The following TBC1D8 variants were observed in gnomAD, a reference collection of about 807,000 sequenced individuals.
The protein encoded by TBC1D8 is TBC1 domain family member 8, also known as BUB2-like protein 1.
TBC1D8 carries 65 observed loss-of-function variants against 118.8 expected under a neutral mutation model. The observed-to-expected ratio is 0.55, with a 90% CI of 0.45 to 0.67. The LOEUF (loss-of-function observed/expected upper bound fraction) is 0.67. Ranked by LOEUF, TBC1D8 falls within the 30% of genes least tolerant of loss-of-function variation. TBC1D8 has a pLI of 0.00. For missense variants in TBC1D8, 1,376 were observed against 1,471.2 expected (o/e 0.94, Z 1.06); for synonymous variants, 566 against 595.8 (o/e 0.95, Z 0.73).
intron 1 of TBC1D8, among the ~76,000 whole-genome samples, chr2:101,090,761 T>C (rs1308185840): frequency 6.6e-6 from 1 of 152,260 alleles, no homozygotes; most frequent in African/African-American, 2.4e-5. Context: ...TTAACTTGTC[T>C]GTGCCCTGGA....
At chr2:101,010,045 C>T (rs1046812596) in intron 19 of TBC1D8, among the ~76,000 whole-genome samples, 2 of 151,834 alleles carry the variant, frequency 1.3e-5, no homozygotes, top group East Asian at 3.9e-4. Context: ...CCAGGATGGT[C>T]TCAATCTTCT....
intron 2 of TBC1D8, among the ~76,000 whole-genome samples, chr2:101,060,281 A>G (rs1428439897): frequency 6.6e-6 from 1 of 152,238 alleles, no homozygotes; most frequent in East Asian, 1.9e-4. Flanking sequence ...GGTGCCTTCA[A>G]GAAGTACTAA....
intron 2 of TBC1D8, among the ~76,000 whole-genome samples, chr2:101,079,969 A>G (rs1675155467): frequency 6.6e-6 from 1 of 151,956 alleles, no homozygotes; most frequent in South Asian, 2.1e-4. Context: ...TACAGGTGTG[A>G]GCCACCGCGC....
rs543419078 is a variant in TBC1D8 at position 101,122,037 on chromosome 2, G to C, written c.127+29090C>G. 4.6e-5 allele frequency among the ~76,000 whole-genome samples: 7 copies of C among 151,660 alleles called. 1 individual carries two copies. The East Asian group carries it at 1.2e-3, about 25-fold the overall frequency. On this transcript the variant is annotated intron_variant, in intron 1 of 19. Transcript: ENST00000409318. ...GCTGAGATCACGCCACTGCACTCCAGCCTGGGCATCGCAGTGAGACTCCAT... is the reference window on the plus strand; with the variant it reads ...GCTGAGATCACGCCACTGCACTCCACCCTGGGCATCGCAGTGAGACTCCAT...
chr2:101,134,195 T>TCACA (rs1429845189), intron 1 of TBC1D8, among the ~76,000 whole-genome samples: 53 of 62,846 alleles, frequency 8.4e-4, no homozygotes, highest in Non-Finnish European at 1.5e-3. Context: ...TCTCTCTCTC[T>TCACA]CTCACACACA....
At chr2:101,105,414 C>G (rs1409873140) in intron 1 of TBC1D8, among the ~76,000 whole-genome samples, 1 of 151,602 alleles carries the variant, frequency 6.6e-6, no homozygotes, top group Admixed American at 6.6e-5. Flanking sequence ...CATGGCGAAA[C>G]CCTGTCTCTA....
At position 101,094,879 on chromosome 2, in the gene TBC1D8, T is replaced by C. The variant is rs78210929; in HGVS notation, c.128-4515A>G. On this transcript the variant is annotated intron_variant, in intron 1 of 19. Coordinates refer to ENST00000409318, the MANE Select transcript of TBC1D8 (RefSeq NM_001330348.2). ...CAGACTATTCAGAGAACGAAGGGCA[T>C]AGGTTAAACCACAACCTCGAAATGT... 5.8e-3 allele frequency among the ~76,000 whole-genome samples: 876 copies of C among 152,314 alleles called. 9 individuals are homozygous for C. The highest frequency in any genetic ancestry group is 8.8e-3 in the Admixed American group (135 of 15,294).
rs1558691753 is a variant in TBC1D8 at position 101,090,282 on chromosome 2, G to C, written c.210C>G (p.Gly70=). Residue 70 remains glycine (G), a synonymous_variant, in exon 2 of 20, where the codon GGC becomes GGG. Coordinates refer to ENST00000409318, the MANE Select transcript of TBC1D8 (RefSeq NM_001330348.2). ...APFRILLQVP[G]SQVYSPIACG... Reference sequence around the variant, plus strand: ...ATGCTATGGGAGAATAAACCTGGGAGCCGGGAACTTGAAGCAGAATTCGAA... The same window carrying C: ...ATGCTATGGGAGAATAAACCTGGGACCCGGGAACTTGAAGCAGAATTCGAA... 9 of 1,613,980 alleles carry C rather than the reference G, an allele frequency of 5.6e-6. No homozygotes were observed. Among genetic ancestry groups the C allele is most frequent in the Non-Finnish European group, 6.8e-6 (8 of 1,179,878 alleles).
chr2:101,130,492 A>G (rs1416840244), intron 1 of TBC1D8, among the ~76,000 whole-genome samples: 1 of 152,226 alleles, frequency 6.6e-6, no homozygotes, highest in African/African-American at 2.4e-5. Context: ...CAGATGACAC[A>G]GCCAACACAG....
intron 15 of TBC1D8, among the ~76,000 whole-genome samples, chr2:101,022,941 G>A (rs190163447): frequency 3.6e-3 from 547 of 151,876 alleles, no homozygotes; most frequent in Non-Finnish European, 6.2e-3. Flanking sequence ...TCAAGATTTC[G>A]TGACCAGCCT....
At chr2:101,141,802 C>T (rs936065542) in intron 1 of TBC1D8, among the ~76,000 whole-genome samples, 4 of 147,826 alleles carry the variant, frequency 2.7e-5, no homozygotes, top group South Asian at 2.1e-4. Flanking sequence ...CATGAAGGCG[C>T]GCACACACAC....
intron 2 of TBC1D8, among the ~76,000 whole-genome samples, chr2:101,071,223 T>C: frequency 6.6e-6 from 1 of 152,026 alleles, no homozygotes; most frequent in South Asian, 2.1e-4. Flanking sequence ...GCGCCTATTA[T>C]AGTCCCAGCT....
At chr2:101,014,723 C>T (rs13389359) in intron 17 of TBC1D8, among the ~76,000 whole-genome samples, 8,033 of 152,158 alleles carry the variant, frequency 0.053, 718 homozygotes, top group African/African-American at 0.18. Context: ...CATATTGGCA[C>T]GTTCTTAAAA....
chr2:101,032,392 G>C lies in TBC1D8; in HGVS notation c.1819-7C>G, dbSNP rs576422216. 1.2e-6 allele frequency: 2 copies of C among 1,611,588 alleles called. No homozygotes were observed. The highest frequency in any genetic ancestry group is 1.3e-5 in the African/African-American group (1 of 74,980). ...AGGTCAGGATGTTCATGGACTGCTC[G>C]GGGGTCAAGGAGGGCAGTTACTGAC... On this transcript the variant is annotated splice_region_variant and splice_polypyrimidine_tract_variant and intron_variant, in intron 10 of 19. Transcript: ENST00000409318.
rs138712867 is a variant in TBC1D8, at chr2:101,136,286, A to G, written c.127+14841T>C. On this transcript the variant is annotated intron_variant, in intron 1 of 19. Coordinates refer to ENST00000409318, the MANE Select transcript of TBC1D8 (RefSeq NM_001330348.2). ...GTGAGTTTTCACTCTATTAGTGCCT[A>G]TAAGAACTGATTGTTAAAACGAACC... Among the ~76,000 whole-genome samples the G allele has an allele frequency of 1.1e-3, 163 of 152,220 alleles. 1 individual carries two copies. The highest frequency in any genetic ancestry group is 3.6e-3 in the African/African-American group (151 of 41,556).
chr2:101,138,348 G>T (rs2104272585), intron 1 of TBC1D8, among the ~76,000 whole-genome samples: 1 of 152,320 alleles, frequency 6.6e-6, no homozygotes, highest in South Asian at 2.1e-4. Flanking sequence ...GACACTAAAT[G>T]TATGGGGAGT....
chr2:101,027,542 C>T (rs1680409393), intron 14 of TBC1D8, 91 bp from the exon 15 acceptor site: 1 of 1,120,086 alleles, frequency 8.9e-7, no homozygotes, highest in East Asian at 2.4e-5. Context: ...CTGAAGGGGA[C>T]ACAAGGAGCC....
At chr2:101,050,109 G>A (rs920664002) in intron 5 of TBC1D8, among the ~76,000 whole-genome samples, 2 of 152,306 alleles carry the variant, frequency 1.3e-5, no homozygotes, top group South Asian at 2.1e-4. Context: ...TTACAGGCGT[G>A]AGCCACCGCA....
intron 2 of TBC1D8, 128 bp from the exon 3 acceptor site, chr2:101,059,667 G>T: frequency 1.3e-6 from 1 of 767,578 alleles, no homozygotes; most frequent in Non-Finnish European, 2.1e-6. Context: ...TTGGCCAGGC[G>T]CAGTGGCTCA....
Sources: gnomAD v4.1 joint callset for allele counts (sites outside exome capture counted in the v4.1 genomes callset) on GRCh38, gnomAD v4.1.1 for gene constraint, MANE v1.5 for transcripts, NCBI Gene and HGNC (gene_info 2026-07-23, HGNC 2026-07-21) for gene names.